CPD: variants seen among roughly 807,000 people sequenced by gnomAD.
CPD encodes metallocarboxypeptidase D.
A neutral mutation model predicts 138.3 loss-of-function variants in CPD; 69 were observed. The observed-to-expected ratio is 0.50, with a 90% CI of 0.41 to 0.61. The LOEUF is 0.61. Ranked by LOEUF, CPD falls within the 20% of genes least tolerant of loss-of-function variation. The pLI is 0.00. For synonymous variants in CPD, 651 were observed against 642.1 expected (o/e 1.01, Z -0.21); for missense variants, 1,432 against 1,733.3 (o/e 0.83, Z 3.09).
rs146147328 is a variant in CPD at position 30,447,212 on chromosome 17, G to C, written c.2873+1192G>C. On this transcript the variant is annotated intron_variant, in intron 12 of 20. Coordinates refer to ENST00000225719, the MANE Select transcript of CPD (RefSeq NM_001304.5). Reference sequence around the variant, plus strand: ...CCATTTGTCAATTTTGGCTTTTGTTGCCATTGCTATTGGTGTTTTAGACAT... The same window carrying C: ...CCATTTGTCAATTTTGGCTTTTGTTCCCATTGCTATTGGTGTTTTAGACAT... Among the ~76,000 whole-genome samples, 1,133 of 152,218 alleles carry C rather than the reference G, an allele frequency of 7.4e-3. 16 individuals carry two copies. Among genetic ancestry groups the C allele is most frequent in the African/African-American group, 0.025 (1,059 of 41,532 alleles).
intron 14 of CPD, among the ~76,000 whole-genome samples, chr17:30,452,130 A>G (rs1310433046): frequency 6.6e-6 from 1 of 152,168 alleles, no homozygotes; most frequent in Non-Finnish European, 1.5e-5. Flanking sequence ...CCTCCTATGT[A>G]TGTGTGTATG....
intron 3 of CPD, among the ~76,000 whole-genome samples, chr17:30,421,241 A>C (rs1169504800): frequency 6.6e-6 from 1 of 152,126 alleles, no homozygotes; most frequent in East Asian, 1.9e-4. Flanking sequence ...TTACTTATAC[A>C]AACTGAAATA....
chr17:30,461,229 G>T lies in CPD; in HGVS notation c.3548G>T (p.Ser1183Ile). 6.2e-7 allele frequency: 1 copy of T among 1,612,004 alleles called. No individual in the cohort carries two copies. Among genetic ancestry groups the T allele is most frequent in the Non-Finnish European group, 8.5e-7 (1 of 1,178,958 alleles). Reference sequence around the variant, plus strand: ...TGTCCGGAAATCACAGTATACACAAGCTGCTGTTACTTTCCTAGTGCTGCA... The same window carrying T: ...TGTCCGGAAATCACAGTATACACAATCTGCTGTTACTTTCCTAGTGCTGCA... ...GHCPEITVYT[S>I]CCYFPSAARL... Residue 1183 changes from serine (S) to isoleucine (I), a missense_variant, in exon 18 of 21, where the codon AGC becomes ATC. Coordinates refer to ENST00000225719, the MANE Select transcript of CPD (RefSeq NM_001304.5).
At position 30,385,065 on chromosome 17, in the gene CPD, G is replaced by T; in HGVS notation, c.823G>T (p.Ala275Ser). ...TTTTGATGATTCTCCAGAACATAAGGCCACTGGAATCTATAGCAAAACCTC... is the reference window on the plus strand; with the variant it reads ...TTTTGATGATTCTCCAGAACATAAGTCCACTGGAATCTATAGCAAAACCTC... ...YPFDDSPEHK[A>S]TGIYSKTSDD... is the part of the protein sequence containing the mutation. Residue 275 changes from alanine to serine, a missense_variant, in exon 2 of 21, where the codon GCC becomes TCC. Physicochemically the swap from Ala to Ser is moderately conservative, Grantham distance 99. Around this residue, in one of 6 missense-constraint regions of CPD, gnomAD observed 484 missense variants for 477.2 expected, o/e 1.01. Transcript: ENST00000225719. The T allele has an allele frequency of 6.2e-7, 1 of 1,614,030 alleles. No individual in the cohort carries two copies. Among genetic ancestry groups the T allele is most frequent in the Admixed American group, 1.7e-5 (1 of 60,012 alleles).
intron 2 of CPD, among the ~76,000 whole-genome samples, chr17:30,398,006 T>G (rs1911555302): frequency 6.7e-6 from 1 of 149,816 alleles, no homozygotes; most frequent in Admixed American, 6.7e-5. Context: ...AGTGAGACAC[T>G]GTCTCTACAA....
chr17:30,449,858 TGTA>T (rs1913122119), intron 13 of CPD, 110 bp downstream of exon 13: 2 of 871,396 alleles, frequency 2.3e-6, no homozygotes, highest in Non-Finnish European at 3.4e-6. Context: ...CAGAGTCACT[TGTA>T]GTACATTATG....
intron 6 of CPD, among the ~76,000 whole-genome samples, chr17:30,425,698 A>G (rs1220045978): frequency 6.6e-6 from 1 of 152,012 alleles, no homozygotes; most frequent in Non-Finnish European, 1.5e-5. Context: ...TCTGATCAGT[A>G]ATTTCCACTC....
chr17:30,442,201 C>A, intron 9 of CPD, 107 bp from the exon 10 acceptor site: 1 of 960,696 alleles, frequency 1.0e-6, no homozygotes, highest in Non-Finnish European at 1.6e-6. Context: ...CTTATCAATG[C>A]TGATAAGAGA....
intron 2 of CPD, among the ~76,000 whole-genome samples, chr17:30,407,624 G>T (rs1911837496): frequency 6.6e-6 from 1 of 152,196 alleles, no homozygotes; most frequent in African/African-American, 2.4e-5. Flanking sequence ...CTTTTGAGAA[G>T]TGTCTGTTCC....
rs193269025 is a variant in CPD at position 30,458,679 on chromosome 17, C to A, written c.3498+2153C>A. 1.6e-3 allele frequency among the ~76,000 whole-genome samples: 238 copies of A among 152,190 alleles called. 2 individuals carry two copies. The highest frequency in any genetic ancestry group is 4.6e-4 in the Non-Finnish European group (31 of 68,008). On this transcript the variant is annotated intron_variant, in intron 17 of 20. Coordinates refer to ENST00000225719, the MANE Select transcript of CPD (RefSeq NM_001304.5). ...GTCAGGAGTTCAAGACCAGCCTGGCCAACATGTTGAAACCCCATATACTAA... is the reference window on the plus strand; with the variant it reads ...GTCAGGAGTTCAAGACCAGCCTGGCAAACATGTTGAAACCCCATATACTAA...
chr17:30,380,768 G>T (rs977753960), intron 1 of CPD: 1 of 612,732 alleles, frequency 1.6e-6, no homozygotes, highest in African/African-American at 1.9e-5. Flanking sequence ...GAGATGGGCA[G>T]GATTTTCAGC....
intron 7 of CPD, among the ~76,000 whole-genome samples, chr17:30,429,900 A>G (rs1244466800): frequency 6.6e-6 from 1 of 152,144 alleles, no homozygotes; most frequent in Non-Finnish European, 1.5e-5. Flanking sequence ...GGTACCAGGA[A>G]GGTGCCTTTC....
At chr17:30,382,197 T>C (rs1911067892) in intron 1 of CPD, among the ~76,000 whole-genome samples, 2 of 152,184 alleles carry the variant, frequency 1.3e-5, no homozygotes, top group African/African-American at 4.8e-5. Context: ...ATTGTCTGAA[T>C]CTTTGAAATT....
At chr17:30,429,605 T>G (rs577197792) in intron 7 of CPD, among the ~76,000 whole-genome samples, 2 of 152,222 alleles carry the variant, frequency 1.3e-5, no homozygotes, top group South Asian at 4.1e-4. Flanking sequence ...CATACAAATT[T>G]TATTTGATGT....
At chr17:30,395,647 G>A (rs1911484256) in intron 2 of CPD, among the ~76,000 whole-genome samples, 3 of 151,360 alleles carry the variant, frequency 2.0e-5, no homozygotes, top group Admixed American at 2.0e-4. Context: ...TAGATCTAAT[G>A]TGTATAAATT....
At chr17:30,425,655 C>CAAAAAAAAAAAAAAAAAAAAA (rs11337028) in intron 6 of CPD, among the ~76,000 whole-genome samples, 1 of 113,612 alleles carries the variant, frequency 8.8e-6, no homozygotes, top group African/African-American at 3.3e-5. Flanking sequence ...GACTCTGTCT[C>CAAAAAAAAAAAAAAAAAAAAA]AAAAAAAAAA....
In CPD at chr17:30,464,910, C is replaced by T; in HGVS notation, c.*96C>T. On this transcript the variant is annotated 3_prime_UTR_variant, in exon 21 of 21. Coordinates refer to ENST00000225719, the MANE Select transcript of CPD (RefSeq NM_001304.5). Reference sequence around the variant, plus strand: ...ATTAAGAAGAGAGACTCTCTTGCTTCTTCAAAGAGCTTTGGGAAATTAAAT... The same window carrying T: ...ATTAAGAAGAGAGACTCTCTTGCTTTTTCAAAGAGCTTTGGGAAATTAAAT... 1 of 935,092 alleles carries T rather than the reference C, an allele frequency of 1.1e-6. No homozygotes were observed. The highest frequency in any genetic ancestry group is 1.7e-6 in the Non-Finnish European group (1 of 604,396). The allele number at this position is 935,092 out of a possible 1,614,324, so 57.9% of individuals were successfully genotyped here.
At chr17:30,423,124 C>A in intron 5 of CPD, 101 bp downstream of exon 5, 1 of 863,706 alleles carries the variant, frequency 1.2e-6, no homozygotes, top group South Asian at 2.0e-5. Context: ...GTTTGTATAA[C>A]TGGCATTAAG....
At chr17:30,397,737 C>CAAAAAAAAAAAAAAAAAAA (rs71138885) in intron 2 of CPD, among the ~76,000 whole-genome samples, 1 of 31,850 alleles carries the variant, frequency 3.1e-5, no homozygotes, top group Non-Finnish European at 6.7e-5. Context: ...ACTCCTGTCT[C>CAAAAAAAAAAAAAAAAAAA]AAAAAAAAAA....
Sources: gnomAD v4.1 joint callset for allele counts (sites outside exome capture counted in the v4.1 genomes callset) on GRCh38, gnomAD v4.1.1 for gene constraint, gnomAD v4.1.1 regional missense constraint, MANE v1.5 for transcripts, NCBI Gene and HGNC (gene_info 2026-07-23, HGNC 2026-07-21) for gene names.